Variants in CDCP2 observed in about 807,000 individuals in gnomAD.
CDCP2 encodes CUB domain containing protein 2.
A neutral mutation model predicts 31.0 loss-of-function variants in CDCP2; 31 were observed. The observed-to-expected ratio is 1.00, with a 90% CI of 0.75 to 1.35. The LOEUF is 1.35. CDCP2 is among the 40% of genes most tolerant of loss of function. The pLI is 0.00. For synonymous variants in CDCP2, 206 were observed against 207.9 expected, an observed-to-expected ratio of 0.99 and a Z score of 0.08; for missense variants, 443 against 482.6, an observed-to-expected ratio of 0.92 and a Z score of 0.77.
chr1:54,152,818 T>G, intron 1 of CDCP2, 26 bp downstream of exon 1: 1 of 1,609,162 alleles, frequency 6.2e-7, no homozygotes, highest in Middle Eastern at 1.7e-4. Context: ...CCCCTCTCAG[T>G]TCATGTCTGT....
intron 1 of CDCP2, among the ~76,000 whole-genome samples, chr1:54,147,541 A>G (rs1659496725): frequency 1.3e-5 from 2 of 151,676 alleles, no homozygotes; most frequent in African/African-American, 4.9e-5. Flanking sequence ...TAATTTTTGT[A>G]TTTTTAGTAC....
intron 4 of CDCP2, chr1:54,139,268 C>A (rs991762250): frequency 6.0e-6 from 3 of 496,868 alleles, no homozygotes; most frequent in East Asian, 3.7e-5. Flanking sequence ...GCCCCTGGAC[C>A]AATACAGCAG....
downstream of CDCP2, chr1:54,132,822 G>A: frequency 2.5e-6 from 1 of 397,616 alleles, no homozygotes; most frequent in Non-Finnish European, 4.4e-6. Context: ...TAGCAGGGCA[G>A]AATGACTGTC....
intron 3 of CDCP2, chr1:54,140,510 C>T (rs564308676): frequency 4.2e-5 from 12 of 285,834 alleles, no homozygotes; most frequent in Non-Finnish European, 7.3e-5. Context: ...GCATACCAAA[C>T]ACTCTCTGCC....
chr1:54,149,669 C>G (rs925030982), intron 1 of CDCP2, among the ~76,000 whole-genome samples: 1 of 152,176 alleles, frequency 6.6e-6, no homozygotes, highest in South Asian at 2.1e-4. Context: ...GAATTCGTCA[C>G]GATCTAACAT....
intron 4 of CDCP2, chr1:54,139,504 G>A (rs636533): frequency 0.022 from 35,642 of 1,602,654 alleles, 472 homozygotes; most frequent in Middle Eastern, 0.038. Context: ...ATGGGGAGGG[G>A]TGAGGACTCA....
chr1:54,133,221 T>C (rs1659195801), exon 6 of CDCP2: 1 of 399,016 alleles, frequency 2.5e-6, no homozygotes, highest in Non-Finnish European at 4.4e-6. Context: ...CTCGTACTCA[T>C]GGATGTCCTC....
intron 5 of CDCP2, among the ~76,000 whole-genome samples, chr1:54,134,036 T>C (rs1286119275): frequency 6.6e-6 from 1 of 152,200 alleles, no homozygotes; most frequent in Non-Finnish European, 1.5e-5. Flanking sequence ...AACTCTTAAC[T>C]GTGCTCTTGG....
At chr1:54,141,567 C>G in intron 2 of CDCP2, 134 bp from the exon 3 acceptor site, 1 of 732,528 alleles carries the variant, frequency 1.4e-6, no homozygotes, top group Non-Finnish European at 2.2e-6. Context: ...CAGCAAGCAC[C>G]TGCTACCCAA....
In CDCP2 at chr1:54,139,738, C is replaced by T. The variant is rs1381227893; in HGVS notation, c.1117+15G>A. 14 of 1,614,226 alleles carry T rather than the reference C, an allele frequency of 8.7e-6. No homozygotes were observed. The highest frequency in any genetic ancestry group is 1.2e-5 in the Non-Finnish European group (14 of 1,180,036). Reference sequence around the variant, plus strand: ...CCTTCGCCCTCAGTGGACCCACTCCCACAGCCCAGCTGACCTCCGATGTAG... The same window carrying T: ...CCTTCGCCCTCAGTGGACCCACTCCTACAGCCCAGCTGACCTCCGATGTAG... On this transcript the variant is annotated intron_variant, in intron 4 of 5. Transcript: ENST00000530059.
exon 4 of CDCP2, chr1:54,139,798 C>A (rs998694443): frequency 6.2e-7 from 1 of 1,614,192 alleles, no homozygotes; most frequent in African/African-American, 1.3e-5. Context: ...GTGCTGCGGT[C>A]TGTGTGCAGC....
In CDCP2 at chr1:54,141,030, A is replaced by C. The variant is rs1659359607; in HGVS notation, c.763+68T>G. ...GGGGCAGAAAGGTGTGACCCCTGCAAGTGTAATGGGGAGACAGGAGCCCAG... is the reference window on the plus strand; with the variant it reads ...GGGGCAGAAAGGTGTGACCCCTGCACGTGTAATGGGGAGACAGGAGCCCAG... On this transcript the variant is annotated intron_variant, in intron 3 of 5. Coordinates refer to ENST00000530059, the Ensembl canonical transcript of CDCP2. The C allele has an allele frequency of 2.2e-6, 3 of 1,334,626 alleles. No homozygotes were observed. The South Asian group carries it at 4.5e-5, about 20-fold the overall frequency. 82.7% of individuals were successfully genotyped at this position (1,334,626 alleles called of 1,614,324 possible). A position where few individuals can be genotyped will look rare whatever the true frequency, so the allele number is the denominator to read the frequency against.
Position 54,152,828 on chromosome 1 carries a change from T to C in CDCP2, c.79+16A>G. 1 of 1,613,200 alleles carries C rather than the reference T, an allele frequency of 6.2e-7. No homozygotes were observed. The highest frequency in any genetic ancestry group is 8.5e-7 in the Non-Finnish European group (1 of 1,179,168). ...TCCTTCCCCTCTCAGTTCATGTCTG[T>C]CCCAAGAGTGCCTACCTTCCATGGC... On this transcript the variant is annotated intron_variant, in intron 1 of 5. Transcript: ENST00000530059.
intron 5 of CDCP2, among the ~76,000 whole-genome samples, chr1:54,133,767 G>A (rs1202841263): frequency 1.3e-5 from 2 of 151,798 alleles, no homozygotes; most frequent in Admixed American, 6.6e-5. Context: ...GTGATGGTGT[G>A]CGCCTGTAGT....
intron 2 of CDCP2, chr1:54,143,873 A>C (rs1659414971): frequency 6.6e-6 from 1 of 152,274 alleles, no homozygotes; most frequent in African/African-American, 2.4e-5. Flanking sequence ...ACTGAGAGGC[A>C]GGTGTCAAGC....
rs765212865 is a variant in CDCP2 at position 54,140,153 on chromosome 1, G to A, written c.764-47C>T. 4 of 1,563,558 alleles carry A rather than the reference G, an allele frequency of 2.6e-6. No individual in the cohort carries two copies. In the South Asian group the frequency reaches 3.3e-5, roughly 13 times the overall value. ...GGAAGGAGCAACAGTGAGGGGAGAG[G>A]AGAAGTCACTCTCTGCAGTTACAGC... On this transcript the variant is annotated intron_variant, in intron 3 of 5. Transcript: ENST00000530059.
At position 54,144,602 on chromosome 1, in the gene CDCP2, G is replaced by C. The variant is rs760656318; in HGVS notation, c.291C>G (p.Asp97Glu). Residue 97 changes from aspartate to glutamate, a missense_variant, in exon 2 of 6, where the codon GAC becomes GAG. Asp to Glu is a conservative substitution (Grantham distance 45). Transcript: ENST00000530059. Reference sequence around the variant, plus strand: ...AGAACCTCCCCAGCAGGTTGCCCTTGTCTGGTGAGGCCCCATTGTAGATCT... The same window carrying C: ...AGAACCTCCCCAGCAGGTTGCCCTTCTCTGGTGAGGCCCCATTGTAGATCT... The C allele has an allele frequency of 1.9e-6, 3 of 1,614,234 alleles. No individual in the cohort carries two copies. The South Asian group carries it at 3.3e-5, about 18-fold the overall frequency.
intron 2 of CDCP2, chr1:54,144,141 G>T: frequency 4.1e-6 from 1 of 245,996 alleles, no homozygotes; most frequent in Non-Finnish European, 7.8e-6. Flanking sequence ...AACGGAGGCG[G>T]CATGGGGAGC....
At chr1:54,150,203 T>C (rs1167563981) in intron 1 of CDCP2, among the ~76,000 whole-genome samples, 1 of 152,224 alleles carries the variant, frequency 6.6e-6, no homozygotes, top group Non-Finnish European at 1.5e-5. Context: ...TAGGGGTTCT[T>C]TCCTTTCTGG....
Sources: gnomAD v4.1 joint callset for allele counts (sites outside exome capture counted in the v4.1 genomes callset) on GRCh38, gnomAD v4.1.1 for gene constraint, MANE v1.5 for transcripts, NCBI Gene and HGNC (gene_info 2026-07-23, HGNC 2026-07-21) for gene names.